Variants in PLD4 observed in about 807,000 individuals in gnomAD.
The protein encoded by PLD4 is 5'-3' exonuclease PLD4.
PLD4 carries 54 observed loss-of-function variants against 52.3 expected under a neutral mutation model. That is an observed-to-expected ratio of 1.03 (90% CI 0.83 to 1.30). The LOEUF (loss-of-function observed/expected upper bound fraction) is 1.30. Ranked by LOEUF, PLD4 falls within the 50% of genes most tolerant of loss-of-function variation. The pLI is 0.00. For synonymous variants in PLD4, 264 were observed against 286.5 expected (o/e 0.92, Z 0.79); for missense variants, 731 against 671.1 (o/e 1.09, Z -0.99).
In PLD4 at chr14:104,932,898, G is replaced by A. The variant is rs1273573600; in HGVS notation, c.1455G>A (p.Trp485Ter). Residue 485 changes from tryptophan to a stop codon, truncating the protein, a stop_gained, in exon 11 of 11, where the codon TGG becomes TGA. Coordinates refer to ENST00000392593, the MANE Select transcript of PLD4 (RefSeq NM_138790.5). LOFTEE classifies it low-confidence loss of function (END_TRUNC). The surrounding 1 kb of genome is among the most constrained non-coding windows in gnomAD (Gnocchi z 6.5). Reference sequence around the variant, plus strand: ...TGCGGCAGCTCTTTGAGCGGGACTGGAGTTCGCGCTACGCCGTCGGCCTGG... The same window carrying A: ...TGCGGCAGCTCTTTGAGCGGGACTGAAGTTCGCGCTACGCCGTCGGCCTGG... ...EQLRQLFERD[W>*]SSRYAVGLDG... The A allele has an allele frequency of 1.2e-6, 2 of 1,603,178 alleles. No homozygotes were observed. Among genetic ancestry groups the A allele is most frequent in the South Asian group, 1.1e-5 (1 of 89,414 alleles).
At chr14:104,935,169 G>A (rs79371214), downstream of PLD4, 2,515 of 152,418 alleles carry the variant, frequency 0.017, 23 homozygotes, top group Non-Finnish European at 0.026. Context: ...ACTAAGCTCT[G>A]CCCTCCAGGG....
chr14:104,927,208 C>T lies in PLD4; in HGVS notation c.68C>T (p.Pro23Leu), dbSNP rs767236770. 6 of 1,557,214 alleles carry T rather than the reference C, an allele frequency of 3.9e-6. No individual in the cohort carries two copies. The highest frequency in any genetic ancestry group is 2.4e-5 in the South Asian group (2 of 84,276). Residue 23 changes from proline to leucine, a missense_variant, in exon 2 of 11, where the codon CCG becomes CTG. By Grantham distance (98) the Pro-to-Leu change is moderately conservative (BLOSUM62 -3). Transcript: ENST00000392593. The part of the protein sequence containing the change: ...TWPCSMPPRR[P>L]WDREAGTLQV... ...CCATGCTCCATGCCGCCCCGCCGCC[C>T]GTGGGACAGAGAGGCTGGCACGGTA...
chr14:104,927,809 C>T lies in PLD4; in HGVS notation c.227C>T (p.Ser76Phe). 6.3e-7 allele frequency: 1 copy of T among 1,594,274 alleles called. No individual in the cohort carries two copies. The highest frequency in any genetic ancestry group is 1.1e-5 in the South Asian group (1 of 89,522). The change falls in exon 3 of 11, where the codon TCC becomes TTC. Residue 76 changes from serine (S) to phenylalanine (F), a missense_variant. Ser to Phe is a radical substitution (Grantham distance 155). Coordinates refer to ENST00000392593, the MANE Select transcript of PLD4 (RefSeq NM_138790.5). ...KDVPRSWEHG[S>F]SPAWEPLEAE... ...GTGCCCAGGTCCTGGGAGCATGGCT[C>T]CAGCCCAGCTTGGGAGCCCCTGGAA...
chr14:104,925,326 C>A (rs1003810692), intron 1 of PLD4, among the ~76,000 whole-genome samples: 1 of 152,248 alleles, frequency 6.6e-6, no homozygotes, highest in Non-Finnish European at 1.5e-5. Flanking sequence ...CAGGGGGCTA[C>A]AGCCCTACTC....
At chr14:104,928,273 A>G (rs1041943210) in intron 3 of PLD4, among the ~76,000 whole-genome samples, 10 of 152,034 alleles carry the variant, frequency 6.6e-5, no homozygotes, top group East Asian at 1.9e-4. Context: ...TCCTGCACAC[A>G]TCCCCTGGAA....
chr14:104,937,553 A>G (rs1162964165), downstream of PLD4: 1 of 152,994 alleles, frequency 6.5e-6, no homozygotes, highest in East Asian at 1.9e-4. Flanking sequence ...CATTCAACAA[A>G]GAAGTAAGCT....
chr14:104,932,191 C>G lies in PLD4; in HGVS notation c.1224+14C>G, dbSNP rs1897675757. On this transcript the variant is annotated intron_variant, in intron 9 of 10. Coordinates refer to ENST00000392593, the MANE Select transcript of PLD4 (RefSeq NM_138790.5). The surrounding 1 kb of genome is among the most constrained non-coding windows in gnomAD (Gnocchi z 6.5). ...TCTGTGGACGTGGTGAGGGCGTGCTCCCGGCCGGGCGTGGGAAAGGCGGCC... is the reference window on the plus strand; with the variant it reads ...TCTGTGGACGTGGTGAGGGCGTGCTGCCGGCCGGGCGTGGGAAAGGCGGCC... 1 of 1,611,830 alleles carries G rather than the reference C, an allele frequency of 6.2e-7. No homozygotes were observed. Among genetic ancestry groups the G allele is most frequent in the Non-Finnish European group, 8.5e-7 (1 of 1,179,410 alleles).
At chr14:104,926,924 CAT>C (rs1266945046) in intron 1 of PLD4, among the ~76,000 whole-genome samples, 1 of 152,228 alleles carries the variant, frequency 6.6e-6, no homozygotes, top group Non-Finnish European at 1.5e-5. Flanking sequence ...GGACAGGTGA[CAT>C]GTGGCCGGCT....
Position 104,932,875 on chromosome 14 carries a change from C to A in PLD4, c.1432C>A (p.Arg478=), listed in dbSNP as rs1897705150. 4.4e-6 allele frequency: 7 copies of A among 1,604,292 alleles called. No homozygotes were observed. Among genetic ancestry groups the A allele is most frequent in the Non-Finnish European group, 6.0e-6 (7 of 1,176,388 alleles). ...PAGATVQEQL[R]QLFERDWSSR... ...GGGGGCCACGGTGCAGGAGCAGCTG[C>A]GGCAGCTCTTTGAGCGGGACTGGAG... Residue 478 remains arginine (R), a synonymous_variant, in exon 11 of 11, where the codon CGG becomes AGG. Coordinates refer to ENST00000392593, the MANE Select transcript of PLD4 (RefSeq NM_138790.5). The surrounding 1 kb of genome is among the most constrained non-coding windows in gnomAD (Gnocchi z 6.5).
At position 104,932,137 on chromosome 14, in the gene PLD4, A is replaced by T. The variant is rs190449169; in HGVS notation, c.1184A>T (p.Gln395Leu). Residue 395 changes from glutamine (Q) to leucine (L), a missense_variant, in exon 9 of 11, where the codon CAG (glutamine) becomes CTG (leucine). Gln to Leu is a moderately radical substitution (Grantham distance 113). Transcript: ENST00000392593. The surrounding 1 kb of genome is among the most constrained non-coding windows in gnomAD (Gnocchi z 6.5). ...ATGTTCCCCTACCTGCGGTCCCTGC[A>T]GGCGCTCAGCAACCCCGCGGCCAAC... Reference protein sequence around the residue: ...PTMFPYLRSLQALSNPAANVS... With the variant: ...PTMFPYLRSLLALSNPAANVS... 2.5e-6 allele frequency: 4 copies of T among 1,611,372 alleles called. No individual in the cohort carries two copies. The Admixed American group carries it at 5.0e-5, about 20-fold the overall frequency.
chr14:104,932,189 C>T lies in PLD4; in HGVS notation c.1224+12C>T. 3 of 1,611,756 alleles carry T rather than the reference C, an allele frequency of 1.9e-6. No individual in the cohort carries two copies. Among genetic ancestry groups the T allele is most frequent in the Non-Finnish European group, 1.7e-6 (2 of 1,179,380 alleles). On this transcript the variant is annotated intron_variant, in intron 9 of 10. Transcript: ENST00000392593. The surrounding 1 kb of genome is among the most constrained non-coding windows in gnomAD (Gnocchi z 6.5). ...TCTCTGTGGACGTGGTGAGGGCGTG[C>T]TCCCGGCCGGGCGTGGGAAAGGCGG...
rs1897593563 is a variant in PLD4, at chr14:104,930,082, A to G, written c.694A>G (p.Met232Val). ...GRHIYMGSAN[M>V]DWRSLTQVKE... is the part of the protein sequence containing the mutation. ...GCACATATACATGGGCAGTGCCAACATGGACTGGCGGTCTCTGACGCAGGT... is the reference window on the plus strand; with the variant it reads ...GCACATATACATGGGCAGTGCCAACGTGGACTGGCGGTCTCTGACGCAGGT... The change falls in exon 6 of 11, where the codon ATG (methionine) becomes GTG (valine). Residue 232 changes from methionine (M) to valine (V), a missense_variant. Coordinates refer to ENST00000392593, the MANE Select transcript of PLD4 (RefSeq NM_138790.5). 2 of 1,613,566 alleles carry G rather than the reference A, an allele frequency of 1.2e-6. No homozygotes were observed. The highest frequency in any genetic ancestry group is 1.3e-5 in the African/African-American group (1 of 75,066).
chr14:104,932,271 G>T lies in PLD4; in HGVS notation c.1237G>T (p.Val413Leu). The T allele has an allele frequency of 6.2e-7, 1 of 1,612,676 alleles. No homozygotes were observed. Among genetic ancestry groups the T allele is most frequent in the Non-Finnish European group, 8.5e-7 (1 of 1,179,842 alleles). ...CTGCTCCCCTAAGAAAGTCTTCATC[G>T]TGCCGGTGGGGAACCATTCCAACAT... ...NVSVDVKVFI[V>L]PVGNHSNIPF... Residue 413 changes from valine to leucine, a missense_variant, in exon 10 of 11, where the codon GTG (valine) becomes TTG (leucine). Physicochemically the swap from Val to Leu is conservative, Grantham distance 32. Coordinates refer to ENST00000392593, the MANE Select transcript of PLD4 (RefSeq NM_138790.5). The surrounding 1 kb of genome is among the most constrained non-coding windows in gnomAD (Gnocchi z 6.5).
At chr14:104,936,400 A>C (rs1026436445), downstream of PLD4, 13 of 152,198 alleles carry the variant, frequency 8.5e-5, no homozygotes, top group Admixed American at 5.2e-4. Flanking sequence ...GACCTGTGTC[A>C]GTTCACTTTC....
At position 104,932,201 on chromosome 14, in the gene PLD4, C is replaced by T. The variant is rs113269427; in HGVS notation, c.1224+24C>T. 3 of 1,611,758 alleles carry T rather than the reference C, an allele frequency of 1.9e-6. No homozygotes were observed. The highest frequency in any genetic ancestry group is 1.7e-5 in the Admixed American group (1 of 59,924). The stretch of plus-strand genomic sequence containing the variant: ...TGGTGAGGGCGTGCTCCCGGCCGGG[C>T]GTGGGAAAGGCGGCCCTCCTGCCGC... On this transcript the variant is annotated intron_variant, in intron 9 of 10. Coordinates refer to ENST00000392593, the MANE Select transcript of PLD4 (RefSeq NM_138790.5). This position sits in a 1 kb window ranked among gnomAD's most constrained non-coding sequence, Gnocchi z 6.5.
At chr14:104,930,993 T>C (rs1897626712) in intron 7 of PLD4, 51 bp downstream of exon 7, 3 of 1,587,074 alleles carry the variant, frequency 1.9e-6, no homozygotes, top group Non-Finnish European at 2.6e-6. Flanking sequence ...CTCCCCTGGC[T>C]GGCCAGACCC....
chr14:104,932,830 A>G lies in PLD4; in HGVS notation c.1387A>G (p.Ser463Gly). 1 of 1,605,320 alleles carries G rather than the reference A, an allele frequency of 6.2e-7. No individual in the cohort carries two copies. Among genetic ancestry groups the G allele is most frequent in the Non-Finnish European group, 8.5e-7 (1 of 1,176,390 alleles). Residue 463 changes from serine to glycine, a missense_variant, in exon 11 of 11, where the codon AGC becomes GGC. By Grantham distance (56) the Ser-to-Gly change is moderately conservative. Transcript: ENST00000392593. The surrounding 1 kb of genome is among the most constrained non-coding windows in gnomAD (Gnocchi z 6.5). ...TAGVGLVVTQ[S>G]PGAQPAGATV... The stretch of plus-strand genomic sequence containing the variant: ...GGGGGTGGGCTTGGTGGTCACCCAG[A>G]GCCCTGGCGCGCAGCCCGCGGGGGC...
chr14:104,929,264 G>A (rs769253901), intron 4 of PLD4, 43 bp from the exon 5 acceptor site: 3 of 1,577,364 alleles, frequency 1.9e-6, no homozygotes, highest in South Asian at 2.3e-5. Flanking sequence ...GCGGAGGAGA[G>A]GGCAGCCTGA....
chr14:104,930,628 G>A (rs1166763189), intron 6 of PLD4, 114 bp from the exon 7 acceptor site: 10 of 1,108,426 alleles, frequency 9.0e-6, no homozygotes, highest in Non-Finnish European at 1.3e-5. Context: ...CCCGCAAGTG[G>A]GGACCAGTCG....
Sources: allele counts gnomAD v4.1 joint callset (sites outside exome capture counted in the v4.1 genomes callset), GRCh38; gene constraint gnomAD v4.1.1; non-coding constraint Gnocchi (gnomAD v3.1); transcripts MANE v1.5; gene names NCBI Gene and HGNC (gene_info 2026-07-23, HGNC 2026-07-21).